Variants in FAM81A observed in about 807,000 individuals in gnomAD.
FAM81A encodes family with sequence similarity 81 member A, also known as protein FAM81A.
A neutral mutation model predicts 46.7 loss-of-function variants in FAM81A; 19 were observed. The ratio of observed to expected loss-of-function variants is 0.41; its 90% CI spans 0.28 to 0.60. The LOEUF is 0.60. Among genes scored for constraint, FAM81A ranks in the 20% least tolerant of loss-of-function variants. The probability of loss-of-function intolerance (pLI) is 0.34; values close to 1 mark genes in which losing one functional copy is unlikely to be tolerated. For synonymous variants in FAM81A, 183 were observed against 152.9 expected (o/e 1.20, Z -1.45); for missense variants, 377 against 453.5 (o/e 0.83, Z 1.53).
At chr15:59,504,720 G>A (rs1023034602) in intron 4 of FAM81A, among the ~76,000 whole-genome samples, 1 of 152,014 alleles carries the variant, frequency 6.6e-6, no homozygotes, top group Admixed American at 6.6e-5. Flanking sequence ...TCTTTATTTT[G>A]TACTTATTCT....
chr15:59,448,309 A>G (rs1295063946), intron 1 of FAM81A, among the ~76,000 whole-genome samples: 2 of 152,118 alleles, frequency 1.3e-5, no homozygotes, highest in Non-Finnish European at 2.9e-5. Context: ...CCCGGGAGGT[A>G]GATGTTGCAG....
At chr15:59,509,936 CAG>C (rs1281188609) in intron 6 of FAM81A, among the ~76,000 whole-genome samples, 2 of 151,992 alleles carry the variant, frequency 1.3e-5, no homozygotes, top group East Asian at 3.9e-4. Context: ...TAGAAGGAGA[CAG>C]AGTGAGAAGG....
chr15:59,418,628 G>C lies in FAM81A; in HGVS notation c.-78+16270G>C, dbSNP rs557032639. On this transcript the variant is annotated intron_variant, in intron 2 of 4. Transcript: ENST00000558348. The stretch of plus-strand genomic sequence containing the variant: ...CCAATTTGTTGTTCATGTTACCCAG[G>C]CATGGTAGGAAAAACCGTAAAGGGC... 1.5e-3 allele frequency among the ~76,000 whole-genome samples: 232 copies of C among 152,276 alleles called. 1 individual carries two copies. Among genetic ancestry groups the C allele is most frequent in the African/African-American group, 5.2e-3 (216 of 41,560 alleles).
intron 1 of FAM81A, among the ~76,000 whole-genome samples, chr15:59,458,106 C>T (rs550018438): frequency 6.7e-4 from 102 of 152,276 alleles, no homozygotes; most frequent in African/African-American, 2.4e-3. Context: ...GAAATAAGTG[C>T]TCTTCATTTA....
chr15:59,500,347 G>A (rs1156655180), intron 4 of FAM81A, among the ~76,000 whole-genome samples: 4 of 152,090 alleles, frequency 2.6e-5, no homozygotes, highest in African/African-American at 7.2e-5. Flanking sequence ...ACCCAGGCTA[G>A]AGTGAAGTGG....
intron 1 of FAM81A, among the ~76,000 whole-genome samples, chr15:59,440,790 TA>T (rs1362975172): frequency 6.6e-6 from 1 of 152,188 alleles, no homozygotes; most frequent in Non-Finnish European, 1.5e-5. Context: ...TTGGGGCATG[TA>T]AGTTGCTGGC....
chr15:59,415,233 C>T (rs2081141401), intron 2 of FAM81A, among the ~76,000 whole-genome samples: 1 of 152,108 alleles, frequency 6.6e-6, no homozygotes, highest in Non-Finnish European at 1.5e-5. Context: ...ATTCTCCTGC[C>T]TCAGCCTCCC....
intron 3 of FAM81A, among the ~76,000 whole-genome samples, chr15:59,489,266 AATACATACATAC>A (rs61067164): frequency 9.1e-4 from 131 of 144,266 alleles, no homozygotes; most frequent in South Asian, 7.1e-3. Context: ...CTCCATCTCA[AATACATACATAC>A]ATACATACAT....
intron 2 of FAM81A, among the ~76,000 whole-genome samples, chr15:59,424,547 G>A (rs755689227): frequency 1.3e-5 from 2 of 152,156 alleles, no homozygotes; most frequent in Non-Finnish European, 2.9e-5. Context: ...AAGTTGGTAG[G>A]CATTACATAC....
chr15:59,421,729 GTCTATCTATCTA>G (rs796163877), intron 2 of FAM81A, among the ~76,000 whole-genome samples: 1,535 of 128,810 alleles, frequency 0.012, 32 homozygotes, highest in African/African-American at 0.036. Context: ...CTGTCTGTCT[GTCTATCTATCTA>G]TCTGTCTATC....
At position 59,523,555 on chromosome 15, in the gene FAM81A, A is replaced by G. The variant is rs2082348333; in HGVS notation, c.*2177A>G. On this transcript the variant is annotated 3_prime_UTR_variant, in exon 9 of 9. Coordinates refer to ENST00000288228, the MANE Select transcript of FAM81A (RefSeq NM_152450.3). ...AAAGAAAAATAAAATTTTCACATAA[A>G]TGTGGTGTATGATTTTTAAATTGAA... The G allele has an allele frequency of 6.6e-6, 1 of 152,188 alleles. No homozygotes were observed. The highest frequency in any genetic ancestry group is 2.4e-5 in the African/African-American group (1 of 41,448). The allele number at this position is 152,188 out of a possible 1,614,324, so 9.4% of individuals were successfully genotyped here. A position where few individuals can be genotyped will look rare whatever the true frequency, so the allele number is the denominator to read the frequency against.
At chr15:59,407,691 C>G (rs1829207994) in intron 2 of FAM81A, 1 of 170,770 alleles carries the variant, frequency 5.9e-6, no homozygotes, top group South Asian at 1.3e-4. Context: ...TCACCACCAG[C>G]TGAGCCTTCT....
chr15:59,420,617 T>C lies in FAM81A; in HGVS notation c.-78+18259T>C, dbSNP rs972605696. Among the ~76,000 whole-genome samples the C allele has an allele frequency of 2.0e-5, 3 of 152,356 alleles. No individual in the cohort carries two copies. In the East Asian group the frequency reaches 5.8e-4, roughly 29 times the overall value. On this transcript the variant is annotated intron_variant, in intron 2 of 4. Coordinates refer to the FAM81A transcript ENST00000558348. ...TTTCTTCCCAGTGCTTTATAAGATT[T>C]ATTGTATAATCCCAATGATTTTAAT...
intron 4 of FAM81A, among the ~76,000 whole-genome samples, chr15:59,502,608 G>A (rs913669242): frequency 2.0e-5 from 3 of 151,260 alleles, no homozygotes; most frequent in African/African-American, 7.3e-5. Context: ...CTGCCTCCTG[G>A]GTTCAAGCGA....
chr15:59,493,151 A>G (rs904435336), intron 4 of FAM81A, among the ~76,000 whole-genome samples: 2 of 152,204 alleles, frequency 1.3e-5, no homozygotes, highest in Non-Finnish European at 2.9e-5. Flanking sequence ...CTGAGGTGGC[A>G]ATGAGGGTGG....
chr15:59,431,597 C>G (rs2081220474), intron 2 of FAM81A, among the ~76,000 whole-genome samples: 1 of 149,646 alleles, frequency 6.7e-6, no homozygotes, highest in African/African-American at 2.5e-5. Context: ...AATTCCTGGG[C>G]TAAGTGATCC....
upstream of FAM81A, among the ~76,000 whole-genome samples, chr15:59,436,212 C>G (rs1424203587): frequency 2.6e-5 from 4 of 152,212 alleles, no homozygotes; most frequent in Non-Finnish European, 5.9e-5. Context: ...CTCTCCTTCC[C>G]TACCTTTGAG....
intron 1 of FAM81A, among the ~76,000 whole-genome samples, chr15:59,442,890 G>A (rs964565267): frequency 6.6e-6 from 1 of 152,076 alleles, no homozygotes; most frequent in Non-Finnish European, 1.5e-5. Flanking sequence ...AGAGTGAGTT[G>A]TAGACATGAT....
rs528562606 is a variant in FAM81A, at chr15:59,429,925, A to G, written c.-78+27567A>G. Among the ~76,000 whole-genome samples the G allele has an allele frequency of 1.8e-3, 267 of 152,302 alleles. 3 individuals carry two copies. The highest frequency in any genetic ancestry group is 2.4e-3 in the Non-Finnish European group (160 of 68,032). On this transcript the variant is annotated intron_variant, in intron 2 of 4. Transcript: ENST00000558348. ...AGAACAGGGCAGGCAGGTGGCGAAG[A>G]GTCTTAGAGGGTTGAGTCCAGGCCA...
Sources: gnomAD v4.1 joint callset for allele counts (sites outside exome capture counted in the v4.1 genomes callset) on GRCh38, gnomAD v4.1.1 for gene constraint, MANE v1.5 for transcripts, NCBI Gene and HGNC (gene_info 2026-07-23, HGNC 2026-07-21) for gene names.